The following EDIL3 variants were observed in gnomAD, a reference collection of about 807,000 sequenced individuals.
EDIL3 encodes the protein EGF-like repeat and discoidin I-like domain-containing protein 3.
In EDIL3, 37 loss-of-function variants were observed where a neutral mutation model predicts 67.4. The observed-to-expected ratio is 0.55, with a 90% CI of 0.42 to 0.72. EDIL3 has a LOEUF of 0.72. EDIL3 is among the 30% of genes least tolerant of loss of function. The pLI, the probability that EDIL3 is intolerant of heterozygous loss-of-function variation, is 0.00. For missense variants in EDIL3, 527 were observed against 586.3 expected (o/e 0.90, Z 1.04); for synonymous variants, 195 against 196.3 (o/e 0.99, Z 0.05).
rs566859800 is a variant in EDIL3, at chr5:84,098,268, T to C, written c.651+8381A>G. On this transcript the variant is annotated intron_variant, in intron 6 of 10. Transcript: ENST00000296591. ...TGAAGAAAATGAAATTGAATACTAA[T>C]TAGTGCATGTTTGTCATACACCTGA... 3.9e-5 allele frequency among the ~76,000 whole-genome samples: 6 copies of C among 152,234 alleles called. No individual in the cohort carries two copies. In the South Asian group the frequency reaches 1.2e-3, roughly 32 times the overall value.
chr5:84,176,260 T>TTA (rs1748913077), intron 4 of EDIL3, among the ~76,000 whole-genome samples: 1 of 144,422 alleles, frequency 6.9e-6, no homozygotes, highest in African/African-American at 2.5e-5. Flanking sequence ...TGTATATATA[T>TTA]TATATATATT....
At chr5:84,383,089 T>G (rs930039059) in intron 1 of EDIL3, among the ~76,000 whole-genome samples, 2 of 152,242 alleles carry the variant, frequency 1.3e-5, no homozygotes, top group African/African-American at 4.8e-5. Context: ...AGTCAACGCA[T>G]TTTTAAATCC....
intron 3 of EDIL3, among the ~76,000 whole-genome samples, chr5:84,200,406 TATTA>T (rs1330197819): frequency 6.6e-6 from 1 of 151,932 alleles, no homozygotes; most frequent in Non-Finnish European, 1.5e-5. Context: ...AAATAATTAA[TATTA>T]ATTATTAATT....
chr5:84,040,017 A>G (rs1746090391), intron 9 of EDIL3, among the ~76,000 whole-genome samples: 2 of 152,188 alleles, frequency 1.3e-5, no homozygotes, highest in African/African-American at 2.4e-5. Context: ...ATGCTAATTT[A>G]TTTACACAAC....
At chr5:84,243,922 T>C (rs1484389975) in intron 2 of EDIL3, among the ~76,000 whole-genome samples, 1 of 152,208 alleles carries the variant, frequency 6.6e-6, no homozygotes, top group Non-Finnish European at 1.5e-5. Flanking sequence ...GTTACCCATG[T>C]ACTTTAAGCA....
At chr5:84,161,556 T>C (rs2112340077) in intron 4 of EDIL3, among the ~76,000 whole-genome samples, 1 of 152,222 alleles carries the variant, frequency 6.6e-6, no homozygotes, top group Admixed American at 6.5e-5. Context: ...AATCAAATCT[T>C]GAGGAAGCTG....
intron 2 of EDIL3, among the ~76,000 whole-genome samples, chr5:84,235,344 G>A (rs1744658458): frequency 6.6e-6 from 1 of 152,050 alleles, no homozygotes; most frequent in African/African-American, 2.4e-5. Context: ...GCACAGCATT[G>A]GATTTGCATA....
intron 1 of EDIL3, among the ~76,000 whole-genome samples, chr5:84,370,172 T>C (rs1292957752): frequency 2.0e-5 from 3 of 152,182 alleles, no homozygotes; most frequent in African/African-American, 7.2e-5. Flanking sequence ...GTCTCAAACA[T>C]GTAAATTGTT....
intron 1 of EDIL3, among the ~76,000 whole-genome samples, chr5:84,296,393 C>G (rs1252758083): frequency 6.6e-6 from 1 of 151,994 alleles, no homozygotes; most frequent in Non-Finnish European, 1.5e-5. Flanking sequence ...TCTGCATTTC[C>G]CACAGGATCT....
At chr5:84,383,158 T>C (rs1748123974) in intron 1 of EDIL3, among the ~76,000 whole-genome samples, 1 of 152,196 alleles carries the variant, frequency 6.6e-6, no homozygotes, top group African/African-American at 2.4e-5. Context: ...GCTTTCCACT[T>C]GAAGCTGCCT....
chr5:84,227,341 C>G (rs1379026608), intron 3 of EDIL3, among the ~76,000 whole-genome samples: 1 of 152,016 alleles, frequency 6.6e-6, no homozygotes, highest in Non-Finnish European at 1.5e-5. Flanking sequence ...AAATGCTCAT[C>G]ATCACTTAAC....
At chr5:84,176,197 TAA>T (rs1561453727) in intron 4 of EDIL3, among the ~76,000 whole-genome samples, 21 of 106,644 alleles carry the variant, frequency 2.0e-4, no homozygotes, top group South Asian at 1.8e-3. Context: ...TATATATATA[TAA>T]TATATATATA....
chr5:84,354,963 T>C (rs1236146935), intron 1 of EDIL3, among the ~76,000 whole-genome samples: 1 of 152,162 alleles, frequency 6.6e-6, no homozygotes, highest in Non-Finnish European at 1.5e-5. Flanking sequence ...TATGCGTCTT[T>C]GGGTTGCTCT....
chr5:83,967,804 A>G (rs1744724229), intron 9 of EDIL3, among the ~76,000 whole-genome samples: 1 of 152,160 alleles, frequency 6.6e-6, no homozygotes, highest in African/African-American at 2.4e-5. Context: ...AGGACAATGA[A>G]AAGTGATACA....
intron 6 of EDIL3, among the ~76,000 whole-genome samples, chr5:84,104,938 T>C (rs1011176327): frequency 6.6e-6 from 1 of 152,024 alleles, no homozygotes; most frequent in Admixed American, 6.6e-5. Context: ...TGGCAATCAT[T>C]GAAGCTCACG....
chr5:84,342,728 A>C (rs567562518), intron 1 of EDIL3, among the ~76,000 whole-genome samples: 6 of 152,018 alleles, frequency 3.9e-5, no homozygotes, highest in Non-Finnish European at 5.9e-5. Flanking sequence ...TCTTTGAAAA[A>C]AATTTTATCC....
At chr5:84,219,689 T>C (rs867588805) in intron 3 of EDIL3, among the ~76,000 whole-genome samples, 13 of 150,396 alleles carry the variant, frequency 8.6e-5, no homozygotes, top group Admixed American at 3.3e-4. Context: ...CAATTCACAA[T>C]AGCCAAGATT....
At chr5:84,189,163 G>A (rs750127860) in intron 3 of EDIL3, among the ~76,000 whole-genome samples, 4 of 151,916 alleles carry the variant, frequency 2.6e-5, no homozygotes, top group Non-Finnish European at 5.9e-5. Context: ...ACAGAGTAGT[G>A]GTGGATAAGC....
At chr5:83,962,140 A>C (rs1744615608) in intron 10 of EDIL3, among the ~76,000 whole-genome samples, 1 of 151,540 alleles carries the variant, frequency 6.6e-6, no homozygotes, top group African/African-American at 2.4e-5. Flanking sequence ...GGAAATTTAT[A>C]AATTCTCTGC....
Sources: allele counts gnomAD v4.1 joint callset (sites outside exome capture counted in the v4.1 genomes callset), GRCh38; gene constraint gnomAD v4.1.1; transcripts MANE v1.5; gene names NCBI Gene and HGNC (gene_info 2026-07-23, HGNC 2026-07-21).